Variants in SNTG2 observed in about 807,000 individuals in gnomAD.
SNTG2 encodes syntrophin gamma 2, also known as gamma-2-syntrophin.
In SNTG2, 74 loss-of-function variants were observed where a neutral mutation model predicts 70.9. The observed-to-expected ratio is 1.04, with a 90% confidence interval of 0.86 to 1.27. The LOEUF is 1.27. Among genes scored for constraint, SNTG2 ranks in the 50% most tolerant of loss-of-function variants. The probability of loss-of-function intolerance (pLI) is 0.00; values close to 1 mark genes in which losing one functional copy is unlikely to be tolerated. For missense variants in SNTG2, 717 were observed against 690.7 expected, an observed-to-expected ratio of 1.04 and a Z score of -0.43; for synonymous variants, 278 against 273.8, an observed-to-expected ratio of 1.02 and a Z score of -0.15.
chr2:1,081,928 GCA>G (rs1558377646), intron 1 of SNTG2, among the ~76,000 whole-genome samples: 4 of 152,258 alleles, frequency 2.6e-5, no homozygotes, highest in African/African-American at 9.6e-5. Context: ...GTGTGTGTGA[GCA>G]CAGTCCTGCA....
intron 11 of SNTG2, among the ~76,000 whole-genome samples, chr2:1,246,453 C>T (rs943080665): frequency 6.6e-6 from 1 of 152,198 alleles, no homozygotes; most frequent in African/African-American, 2.4e-5. Flanking sequence ...GAGGGCACTT[C>T]GTGGGTGCAT....
At chr2:1,265,718 G>C (rs969502027) in intron 13 of SNTG2, among the ~76,000 whole-genome samples, 3 of 152,270 alleles carry the variant, frequency 2.0e-5, no homozygotes, top group Non-Finnish European at 2.9e-5. Context: ...TTGAGCGTAA[G>C]TGTGAGTGGG....
At chr2:1,122,805 T>TC (rs1667460848) in intron 4 of SNTG2, among the ~76,000 whole-genome samples, 1 of 149,820 alleles carries the variant, frequency 6.7e-6, no homozygotes. Context: ...ATTCTATTTG[T>TC]AAAAACCCCA....
intron 1 of SNTG2, among the ~76,000 whole-genome samples, chr2:1,053,405 T>G (rs1662185650): frequency 6.6e-6 from 1 of 152,174 alleles, no homozygotes; most frequent in Non-Finnish European, 1.5e-5. Flanking sequence ...GTTTCTTTAT[T>G]CTTAAAATCT....
chr2:958,899 A>G (rs1398159122), intron 1 of SNTG2, among the ~76,000 whole-genome samples: 4 of 152,228 alleles, frequency 2.6e-5, no homozygotes, highest in African/African-American at 2.4e-5. Flanking sequence ...ATCTAAAACA[A>G]TGATGCTTGG....
At chr2:1,337,635 G>A (rs1292171335) in intron 16 of SNTG2, among the ~76,000 whole-genome samples, 1 of 151,998 alleles carries the variant, frequency 6.6e-6, no homozygotes, top group Admixed American at 6.6e-5. Context: ...CTCATTCTGG[G>A]AGTTTTCTCT....
At chr2:1,183,027 T>G (rs1408583636) in intron 8 of SNTG2, among the ~76,000 whole-genome samples, 1 of 152,192 alleles carries the variant, frequency 6.6e-6, no homozygotes, top group East Asian at 1.9e-4. Context: ...AATGCTGGAA[T>G]TACAGGCATG....
rs556477585 is a variant in SNTG2 at position 1,113,954 on chromosome 2, G to T, written c.325+15544G>T. 4.0e-5 allele frequency among the ~76,000 whole-genome samples: 6 copies of T among 151,510 alleles called. No homozygotes were observed. The South Asian group carries it at 1.3e-3, about 32-fold the overall frequency. ...AGGAGGATCGTGTTTCCTAAGTGAA[G>T]TTTAACCCTTACAGTCCTTTGAGGA... is the stretch of plus-strand genomic sequence containing the variant. On this transcript the variant is annotated intron_variant, in intron 4 of 16. Coordinates refer to ENST00000308624, the MANE Select transcript of SNTG2 (RefSeq NM_018968.4).
At chr2:1,005,446 G>A (rs1044233439) in intron 1 of SNTG2, among the ~76,000 whole-genome samples, 15 of 151,940 alleles carry the variant, frequency 9.9e-5, no homozygotes, top group South Asian at 4.2e-4. Flanking sequence ...TCTCTGTACC[G>A]TCCTCGTCCT....
intron 8 of SNTG2, among the ~76,000 whole-genome samples, chr2:1,193,481 A>T (rs1217074797): frequency 6.6e-6 from 1 of 152,254 alleles, no homozygotes; most frequent in East Asian, 1.9e-4. Flanking sequence ...CTAAATGAGC[A>T]ACGCATATTT....
chr2:1,328,017 T>A (rs931303527), intron 16 of SNTG2, among the ~76,000 whole-genome samples: 3 of 152,146 alleles, frequency 2.0e-5, no homozygotes, highest in Non-Finnish European at 4.4e-5. Context: ...CTTTTACTCA[T>A]GGTGGAAGGT....
intron 16 of SNTG2, among the ~76,000 whole-genome samples, chr2:1,348,492 AC>A (rs2148302823): frequency 6.6e-6 from 1 of 152,360 alleles, no homozygotes; most frequent in South Asian, 2.1e-4. Flanking sequence ...CTTAACCCAG[AC>A]ATTCCTTTCT....
chr2:1,044,947 C>T (rs553476797), intron 1 of SNTG2, among the ~76,000 whole-genome samples: 24 of 151,962 alleles, frequency 1.6e-4, no homozygotes, highest in South Asian at 4.2e-4. Flanking sequence ...GAATAGTTTC[C>T]GTAGCGTTGG....
intron 14 of SNTG2, among the ~76,000 whole-genome samples, chr2:1,269,176 C>A (rs1438997734): frequency 2.0e-5 from 3 of 152,028 alleles, no homozygotes; most frequent in African/African-American, 7.2e-5. Flanking sequence ...TATGAATAGT[C>A]CTTCCTTATG....
rs564804064 is a variant in SNTG2 at position 1,060,485 on chromosome 2, G to A, written c.73-23033G>A. Among the ~76,000 whole-genome samples the A allele has an allele frequency of 3.3e-5, 5 of 152,268 alleles. No homozygotes were observed. In the South Asian group the frequency reaches 8.3e-4, roughly 25 times the overall value. Reference sequence around the variant, plus strand: ...TCTAGCATGAGAACCCCAGCTCCCGGCTTTGGATTCTAAATGCCCTTCTTC... The same window carrying A: ...TCTAGCATGAGAACCCCAGCTCCCGACTTTGGATTCTAAATGCCCTTCTTC... On this transcript the variant is annotated intron_variant, in intron 1 of 16. Transcript: ENST00000308624.
intron 1 of SNTG2, among the ~76,000 whole-genome samples, chr2:1,072,814 C>A (rs971703036): frequency 6.6e-6 from 1 of 152,172 alleles, no homozygotes; most frequent in African/African-American, 2.4e-5. Flanking sequence ...AAGTACATTT[C>A]ATGATTCATG....
At chr2:1,174,996 A>G (rs865995403) in intron 8 of SNTG2, among the ~76,000 whole-genome samples, 10 of 152,284 alleles carry the variant, frequency 6.6e-5, no homozygotes, top group South Asian at 2.1e-4. Context: ...TGTTTGTGCT[A>G]TCTTCTGTGG....
chr2:1,016,461 A>C (rs1477886303), intron 1 of SNTG2, among the ~76,000 whole-genome samples: 1 of 152,136 alleles, frequency 6.6e-6, no homozygotes, highest in African/African-American at 2.4e-5. Flanking sequence ...GGTTGGCCTC[A>C]AACTCCTGAT....
chr2:1,342,137 T>A (rs1003298948), intron 16 of SNTG2, among the ~76,000 whole-genome samples: 1 of 152,242 alleles, frequency 6.6e-6, no homozygotes, highest in African/African-American at 2.4e-5. Context: ...AATCAGAGCC[T>A]TCGTAGCAAG....
Sources: allele counts gnomAD v4.1 joint callset (sites outside exome capture counted in the v4.1 genomes callset), GRCh38; gene constraint gnomAD v4.1.1; transcripts MANE v1.5; gene names NCBI Gene and HGNC (gene_info 2026-07-23, HGNC 2026-07-21).